Variants in GABRB2 observed in about 807,000 individuals in gnomAD.
GABRB2 encodes the protein gamma-aminobutyric acid receptor subunit beta-2.
GABRB2 carries 16 observed loss-of-function variants against 54.7 expected under a neutral mutation model. The observed-to-expected ratio is 0.29, with a 90% confidence interval of 0.20 to 0.44. The LOEUF is 0.44. Ranked by LOEUF, GABRB2 falls within the 20% of genes least tolerant of loss-of-function variation. The pLI is 1.00. For missense variants in GABRB2, 355 were observed against 644.0 expected (o/e 0.55, Z 4.86); for synonymous variants, 244 against 233.8 (o/e 1.04, Z -0.40).
chr5:161,384,151 C>T (rs1300634219), intron 5 of GABRB2, among the ~76,000 whole-genome samples: 1 of 152,116 alleles, frequency 6.6e-6, no homozygotes, highest in African/African-American at 2.4e-5. Flanking sequence ...TGATAAAGGT[C>T]ATCTTCTCCA....
At chr5:161,473,133 C>G (rs554606091) in intron 3 of GABRB2, among the ~76,000 whole-genome samples, 1 of 152,018 alleles carries the variant, frequency 6.6e-6, no homozygotes, top group Non-Finnish European at 1.5e-5. Flanking sequence ...AATTTGTGTT[C>G]AGAATAAGAC....
chr5:161,476,894 G>T (rs1758606958), intron 3 of GABRB2, among the ~76,000 whole-genome samples: 1 of 151,758 alleles, frequency 6.6e-6, no homozygotes, highest in Admixed American at 6.6e-5. Flanking sequence ...TAATTTCTTG[G>T]ATATAACCAA....
chr5:161,386,665 G>C (rs917948337), intron 5 of GABRB2, among the ~76,000 whole-genome samples: 1 of 151,886 alleles, frequency 6.6e-6, no homozygotes, highest in East Asian at 1.9e-4. Context: ...TCGCCCCAGT[G>C]CTCCCTTATG....
At chr5:161,531,744 C>T (rs1175897986) in intron 3 of GABRB2, among the ~76,000 whole-genome samples, 3 of 151,594 alleles carry the variant, frequency 2.0e-5, no homozygotes, top group African/African-American at 7.3e-5. Context: ...AAAAAAAAAC[C>T]TCAAAACTGG....
chr5:161,293,294 T>C lies in GABRB2; in HGVS notation c.*787A>G, dbSNP rs1757284923. 1 of 152,336 alleles carries C rather than the reference T, an allele frequency of 6.6e-6. No individual in the cohort carries two copies. Among genetic ancestry groups the C allele is most frequent in the Admixed American group, 6.5e-5 (1 of 15,270 alleles). The allele number at this position is 152,336 out of a possible 1,614,324, so 9.4% of individuals were successfully genotyped here. On this transcript the variant is annotated 3_prime_UTR_variant, in exon 10 of 10. Coordinates refer to ENST00000393959, the MANE Select transcript of GABRB2 (RefSeq NM_001371727.1). ...GCTGATAAGGGTCATGCTTTCTTGCTTGCTTGCTTTTTGTTACAACCGTCG... is the reference window on the plus strand; with the variant it reads ...GCTGATAAGGGTCATGCTTTCTTGCCTGCTTGCTTTTTGTTACAACCGTCG...
chr5:161,476,537 A>G (rs1280828657), intron 3 of GABRB2, among the ~76,000 whole-genome samples: 1 of 151,944 alleles, frequency 6.6e-6, no homozygotes, highest in Non-Finnish European at 1.5e-5. Context: ...CCTGACTTCA[A>G]AACTTATTAC....
At chr5:161,419,951 T>C (rs985236896) in intron 4 of GABRB2, among the ~76,000 whole-genome samples, 2 of 152,016 alleles carry the variant, frequency 1.3e-5, no homozygotes, top group African/African-American at 4.8e-5. Context: ...ATGTAACCTC[T>C]GAATCTATAA....
At chr5:161,332,314 C>T (rs1174681151) in intron 7 of GABRB2, among the ~76,000 whole-genome samples, 3 of 151,632 alleles carry the variant, frequency 2.0e-5, no homozygotes, top group Non-Finnish European at 2.9e-5. Context: ...TGATTATAAA[C>T]ATCTGGGAAT....
chr5:161,500,992 A>G (rs972077172), intron 3 of GABRB2, among the ~76,000 whole-genome samples: 1 of 142,764 alleles, frequency 7.0e-6, no homozygotes, highest in African/African-American at 2.7e-5. Flanking sequence ...CCCTCCTCCC[A>G]CCCCACAACA....
intron 5 of GABRB2, among the ~76,000 whole-genome samples, chr5:161,381,553 G>C (rs564871962): frequency 6.6e-6 from 1 of 152,196 alleles, no homozygotes; most frequent in East Asian, 1.9e-4. Context: ...TTGATGCATT[G>C]AGACAACATC....
chr5:161,460,918 A>G (rs539607966), intron 3 of GABRB2, among the ~76,000 whole-genome samples: 4 of 152,276 alleles, frequency 2.6e-5, no homozygotes, highest in Non-Finnish European at 2.9e-5. Context: ...AGGAGCCCAA[A>G]CCACTGGCTC....
chr5:161,391,408 T>C (rs1755816532), intron 5 of GABRB2, among the ~76,000 whole-genome samples: 1 of 152,200 alleles, frequency 6.6e-6, no homozygotes, highest in Non-Finnish European at 1.5e-5. Flanking sequence ...GAAGGGTTAG[T>C]AGGCTATGCT....
chr5:161,453,009 T>A (rs1156760585), intron 4 of GABRB2, among the ~76,000 whole-genome samples: 1 of 152,112 alleles, frequency 6.6e-6, no homozygotes, highest in Non-Finnish European at 1.5e-5. Flanking sequence ...CACAAAAAAA[T>A]TTCTGTATTT....
At position 161,291,605 on chromosome 5, in the gene GABRB2, GAAA is replaced by G. The variant is rs1757239083; in HGVS notation, c.*2473_*2475del. 2 of 152,584 alleles carry G rather than the reference GAAA, an allele frequency of 1.3e-5. No individual in the cohort carries two copies. The highest frequency in any genetic ancestry group is 4.1e-4 in the South Asian group (2 of 4,832). 9.5% of individuals were successfully genotyped at this position (152,584 alleles called of 1,614,324 possible). ...CTTGTTTCTTGTATCACTGAGAGCA[GAAA>G]TGAATTCCTGGTTTTATGCTTTTGA... is the stretch of plus-strand genomic sequence containing the variant. On this transcript the variant is annotated 3_prime_UTR_variant, in exon 10 of 10. Transcript: ENST00000393959.
rs539201522 is a variant in GABRB2 at position 161,371,235 on chromosome 5, T to C, written c.542-34466A>G. On this transcript the variant is annotated intron_variant, in intron 5 of 9. Coordinates refer to ENST00000393959, the MANE Select transcript of GABRB2 (RefSeq NM_001371727.1). ...GGCAGAAACTCTCTTGAAAATATAC[T>C]TTTAGAAAGACCTCAAAGTTAAAAG... 9.2e-5 allele frequency among the ~76,000 whole-genome samples: 14 copies of C among 152,144 alleles called. No individual in the cohort carries two copies. The South Asian group carries it at 2.9e-3, about 32-fold the overall frequency.
intron 9 of GABRB2, among the ~76,000 whole-genome samples, chr5:161,307,852 T>C (rs1249292114): frequency 6.7e-6 from 1 of 149,378 alleles, no homozygotes; most frequent in Non-Finnish European, 1.5e-5. Flanking sequence ...TATAGGCAGA[T>C]AAGACTAATT....
chr5:161,344,260 T>A (rs1042242117), intron 5 of GABRB2, among the ~76,000 whole-genome samples: 14 of 152,112 alleles, frequency 9.2e-5, no homozygotes, highest in African/African-American at 3.4e-4. Flanking sequence ...TTCAGGGGCC[T>A]GGTTTCCTTA....
intron 4 of GABRB2, chr5:161,459,098 T>C (rs574703058): frequency 6.4e-6 from 1 of 155,040 alleles, no homozygotes; most frequent in Non-Finnish European, 1.4e-5. Context: ...TCACAGTTAT[T>C]TCCTGACATA....
intron 5 of GABRB2, among the ~76,000 whole-genome samples, chr5:161,362,110 C>A (rs1047073569): frequency 2.6e-5 from 4 of 151,958 alleles, no homozygotes; most frequent in East Asian, 1.9e-4. Context: ...ATTTCTGAGG[C>A]CTGTGTTCTG....
Sources: gnomAD v4.1 joint callset for allele counts (sites outside exome capture counted in the v4.1 genomes callset) on GRCh38, gnomAD v4.1.1 for gene constraint, MANE v1.5 for transcripts, NCBI Gene and HGNC (gene_info 2026-07-23, HGNC 2026-07-21) for gene names.